Variants in KRT27 observed in about 807,000 individuals in gnomAD.
KRT27 encodes the protein keratin 27, also known as keratin, type I cytoskeletal 27.
A neutral mutation model predicts 45.3 loss-of-function variants in KRT27; 30 were observed. The ratio of observed to expected loss-of-function variants is 0.66; its 90% CI spans 0.50 to 0.90. The LOEUF is 0.90. Ranked by LOEUF, KRT27 falls within the 40% of genes least tolerant of loss-of-function variation. The probability of loss-of-function intolerance (pLI) is 0.00; values close to 1 mark genes in which losing one functional copy is unlikely to be tolerated. For synonymous variants in KRT27, 204 were observed against 223.9 expected (o/e 0.91, Z 0.79); for missense variants, 610 against 564.3 (o/e 1.08, Z -0.82).
At chr17:40,779,155 A>G (rs944825287) in intron 5 of KRT27, among the ~76,000 whole-genome samples, 7 of 152,134 alleles carry the variant, frequency 4.6e-5, no homozygotes, top group African/African-American at 1.7e-4. Context: ...CCCAGGCTCT[A>G]GTAAGCACTT....
At position 40,776,869 on chromosome 17, in the gene KRT27, G is replaced by T; in HGVS notation, c.*130C>A. 1 of 785,266 alleles carries T rather than the reference G, an allele frequency of 1.3e-6. No individual in the cohort carries two copies. The highest frequency in any genetic ancestry group is 2.0e-6 in the Non-Finnish European group (1 of 503,586). 48.6% of individuals were successfully genotyped at this position (785,266 alleles called of 1,614,324 possible). On this transcript the variant is annotated 3_prime_UTR_variant, in exon 8 of 8. Coordinates refer to ENST00000301656, the MANE Select transcript of KRT27 (RefSeq NM_181537.4). ...CCATAGAGAAAAAGCCAAAGAAATG[G>T]TACTATTCTAAAAATAACTTGTCTT...
At chr17:40,777,469 A>T (rs766254847) in intron 6 of KRT27, 46 bp downstream of exon 6, 2 of 1,600,998 alleles carry the variant, frequency 1.2e-6, no homozygotes, top group Non-Finnish European at 1.7e-6. Context: ...AATCATCTTT[A>T]GTAACCTTAA....
chr17:40,782,183 G>A lies in KRT27; in HGVS notation c.311C>T (p.Ala104Val), dbSNP rs1485286149. 6.2e-7 allele frequency: 1 copy of A among 1,614,056 alleles called. No individual in the cohort carries two copies. Among genetic ancestry groups the A allele is most frequent in the Non-Finnish European group, 8.5e-7 (1 of 1,180,040 alleles). Residue 104 changes from alanine to valine, a missense_variant, in exon 1 of 8, where the codon GCC (alanine) becomes GTC (valine). Physicochemically the swap from Ala to Val is moderately conservative, Grantham distance 64. Coordinates refer to ENST00000301656, the MANE Select transcript of KRT27 (RefSeq NM_181537.4). Reference protein sequence around the residue: ...RLASYLENVRALEEANADLEQ... With the variant: ...RLASYLENVRVLEEANADLEQ... ...CAAGTCAGCGTTGGCCTCCTCTAGG[G>A]CTCGAACATTCTCCAGGTAGGAGGC...
chr17:40,777,977 A>C, intron 5 of KRT27: 2 of 507,088 alleles, frequency 3.9e-6, no homozygotes, highest in Non-Finnish European at 7.0e-6. Flanking sequence ...AAAAGATGAA[A>C]TTGTCTCTTC....
chr17:40,782,400 C>A lies in KRT27; in HGVS notation c.94G>T (p.Ala32Ser). Reference sequence around the variant, plus strand: ...CCTGGCACACCGCATGTGTTTCCAGCCCCAAAGCCTGCTCCCCCACTAGAG... The same window carrying A: ...CCTGGCACACCGCATGTGTTTCCAGACCCAAAGCCTGCTCCCCCACTAGAG... ...RLSSGGAGFG[A>S]GNTCGVPGIG... Residue 32 changes from alanine to serine, a missense_variant, in exon 1 of 8, where the codon GCT (alanine) becomes TCT (serine). Ala to Ser is a moderately conservative substitution (Grantham distance 99). Coordinates refer to ENST00000301656, the MANE Select transcript of KRT27 (RefSeq NM_181537.4). 3 of 1,613,906 alleles carry A rather than the reference C, an allele frequency of 1.9e-6. No individual in the cohort carries two copies. Among genetic ancestry groups the A allele is most frequent in the Non-Finnish European group, 2.5e-6 (3 of 1,179,906 alleles).
chr17:40,780,401 G>A lies in KRT27; in HGVS notation c.583C>T (p.Arg195Ter), dbSNP rs781314780. 6.2e-6 allele frequency: 10 copies of A among 1,613,684 alleles called. No homozygotes were observed. Among genetic ancestry groups the A allele is most frequent in the East Asian group, 2.2e-5 (1 of 44,874 alleles). ...QSVEADINGL[R>*]RVLDELTLCR... ...AAGGTCAGCTCATCCAGGACTCTTC[G>A]CAAACCATTGATGTCCGCCTCCACG... Residue 195 changes from arginine to a stop codon, truncating the protein, a stop_gained, in exon 3 of 8, where the codon CGA becomes TGA. Transcript: ENST00000301656. LOFTEE classifies it high-confidence loss of function.
chr17:40,779,405 TA>T lies in KRT27; in HGVS notation c.972+96del, dbSNP rs2038289900. The stretch of plus-strand genomic sequence containing the variant: ...TATGTCAAGCACTGTAATTAATGGT[TA>T]AAAACTAAAATATGTAATTATGTTG... On this transcript the variant is annotated intron_variant, in intron 5 of 7. Coordinates refer to ENST00000301656, the MANE Select transcript of KRT27 (RefSeq NM_181537.4). 6 of 1,461,034 alleles carry T rather than the reference TA, an allele frequency of 4.1e-6. No homozygotes were observed. The South Asian group carries it at 5.6e-5, about 14-fold the overall frequency. 90.5% of individuals were successfully genotyped at this position (1,461,034 alleles called of 1,614,324 possible).
At position 40,777,110 on chromosome 17, in the gene KRT27, T is replaced by A. The variant is rs771188513; in HGVS notation, c.1269A>T (p.Thr423=). The change falls in exon 8 of 8, where the codon ACA becomes ACT. Residue 423 remains threonine, a synonymous_variant. Coordinates refer to ENST00000301656, the MANE Select transcript of KRT27 (RefSeq NM_181537.4). ...KDSSKTTIVK[T]VVEEIDPRGK... is the part of the protein sequence containing the mutation. ...CACGAGGATCTATCTCTTCAACAACTGTTTTGACAATGGTGGTTTTAGATG... is the reference window on the plus strand; with the variant it reads ...CACGAGGATCTATCTCTTCAACAACAGTTTTGACAATGGTGGTTTTAGATG... 6 of 1,613,890 alleles carry A rather than the reference T, an allele frequency of 3.7e-6. No homozygotes were observed. The South Asian group carries it at 6.6e-5, about 18-fold the overall frequency.
rs2038277744 is a variant in KRT27 at position 40,777,703 on chromosome 17, C to T, written c.1002G>A (p.Glu334=). 3 of 1,614,136 alleles carry T rather than the reference C, an allele frequency of 1.9e-6. No homozygotes were observed. Among genetic ancestry groups the T allele is most frequent in the Non-Finnish European group, 2.5e-6 (3 of 1,180,020 alleles). Residue 334 remains glutamate (E), a synonymous_variant, in exon 6 of 8, where the codon GAG becomes GAA. Transcript: ENST00000301656. Reference sequence around the variant, plus strand: ...GCTGTGCACAGTAGTTACTCTCGGTCTCTGTCAAGGAGCACTCCAGGGAGT... The same window carrying T: ...GCTGTGCACAGTAGTTACTCTCGGTTTCTGTCAAGGAGCACTCCAGGGAGT... ...TKHSLECSLT[E]TESNYCAQLA...
Position 40,782,153 on chromosome 17 carries a change from T to A in KRT27, c.341A>T (p.Gln114Leu). The change falls in exon 1 of 8, where the codon CAG becomes CTG. Residue 114 changes from glutamine (Q) to leucine (L), a missense_variant. Physicochemically the swap from Gln to Leu is moderately radical, Grantham distance 113 (BLOSUM62 -2). Coordinates refer to ENST00000301656, the MANE Select transcript of KRT27 (RefSeq NM_181537.4). Reference protein sequence around the residue: ...ALEEANADLEQKIKGWYEKFG... With the variant: ...ALEEANADLELKIKGWYEKFG... ...TTTCTCATACCACCCCTTGATCTTC[T>A]GCTCCAAGTCAGCGTTGGCCTCCTC... is the stretch of plus-strand genomic sequence containing the variant. The A allele has an allele frequency of 6.2e-7, 1 of 1,614,232 alleles. No individual in the cohort carries two copies. The highest frequency in any genetic ancestry group is 1.1e-5 in the South Asian group (1 of 91,084).
chr17:40,781,636 G>A (rs1311221952), intron 1 of KRT27, among the ~76,000 whole-genome samples: 2 of 152,124 alleles, frequency 1.3e-5, no homozygotes, highest in Non-Finnish European at 2.9e-5. Context: ...CACCATGTTG[G>A]CCAGGCTGGT....
chr17:40,777,190 A>G (rs1407263483), intron 7 of KRT27, 52 bp from the exon 8 acceptor site: 8 of 1,610,534 alleles, frequency 5.0e-6, no homozygotes, highest in Non-Finnish European at 5.9e-6. Context: ...ATAAATAGGA[A>G]ATAAAACATC....
At chr17:40,781,367 C>CA in intron 1 of KRT27, 97 bp from the exon 2 acceptor site, 1 of 712,400 alleles carries the variant, frequency 1.4e-6, no homozygotes, top group Non-Finnish European at 2.4e-6. Flanking sequence ...AGTAATATTT[C>CA]TGGCATCTGT....
chr17:40,777,159 T>C, intron 7 of KRT27, 21 bp from the exon 8 acceptor site: 1 of 1,610,822 alleles, frequency 6.2e-7, no homozygotes, highest in Non-Finnish European at 8.5e-7. Context: ...ACATATAAAC[T>C]GTTTAGAATT....
In KRT27 at chr17:40,777,736, T is replaced by C. The variant is rs1284943576; in HGVS notation, c.973-4A>G. ...AGGAGCACTCCAGGGAGTGTTTCTG[T>C]AGTTTGGTAAGACATGGTTTAATAG... is the stretch of plus-strand genomic sequence containing the variant. On this transcript the variant is annotated splice_region_variant and splice_polypyrimidine_tract_variant and intron_variant, in intron 5 of 7. Transcript: ENST00000301656. 3 of 1,613,878 alleles carry C rather than the reference T, an allele frequency of 1.9e-6. No homozygotes were observed. The highest frequency in any genetic ancestry group is 2.5e-6 in the Non-Finnish European group (3 of 1,179,780).
Position 40,780,400 on chromosome 17 carries a change from C to G in KRT27, c.584G>C (p.Arg195Pro), listed in dbSNP as rs757452113. The change falls in exon 3 of 8, where the codon CGA becomes CCA. Residue 195 changes from arginine (R) to proline (P), a missense_variant. Physicochemically the swap from Arg to Pro is moderately radical, Grantham distance 103. Coordinates refer to ENST00000301656, the MANE Select transcript of KRT27 (RefSeq NM_181537.4). ...QSVEADINGL[R>P]RVLDELTLCR... ...CAAGGTCAGCTCATCCAGGACTCTT[C>G]GCAAACCATTGATGTCCGCCTCCAC... is the stretch of plus-strand genomic sequence containing the variant. The G allele has an allele frequency of 6.2e-7, 1 of 1,613,806 alleles. No individual in the cohort carries two copies. Among genetic ancestry groups the G allele is most frequent in the Non-Finnish European group, 8.5e-7 (1 of 1,179,890 alleles).
chr17:40,778,219 C>A (rs1197504509), intron 5 of KRT27, among the ~76,000 whole-genome samples: 1 of 152,198 alleles, frequency 6.6e-6, no homozygotes, highest in Non-Finnish European at 1.5e-5. Context: ...AAAATAATTA[C>A]CTTCTTAGAC....
At chr17:40,778,083 C>T (rs1033730362) in intron 5 of KRT27, 6 of 222,234 alleles carry the variant, frequency 2.7e-5, no homozygotes, top group East Asian at 1.0e-4. Flanking sequence ...ACTAGAAGTC[C>T]GCCTATACTT....
chr17:40,781,874 G>A lies in KRT27; in HGVS notation c.444+176C>T, dbSNP rs550228079. On this transcript the variant is annotated intron_variant, in intron 1 of 7. Transcript: ENST00000301656. Reference sequence around the variant, plus strand: ...ATATACCTAATACTACATGATGGACGTGCCATGTTCAAATATTAGAATTTA... The same window carrying A: ...ATATACCTAATACTACATGATGGACATGCCATGTTCAAATATTAGAATTTA... Among the ~76,000 whole-genome samples the A allele has an allele frequency of 9.4e-5, 14 of 148,492 alleles. No individual in the cohort carries two copies. In the East Asian group the frequency reaches 1.1e-3, roughly 11 times the overall value.
Sources: allele counts gnomAD v4.1 joint callset (sites outside exome capture counted in the v4.1 genomes callset), GRCh38; gene constraint gnomAD v4.1.1; transcripts MANE v1.5; gene names NCBI Gene and HGNC (gene_info 2026-07-23, HGNC 2026-07-21).